The following RAB26 variants were observed in gnomAD, a reference collection of about 807,000 sequenced individuals.
RAB26 encodes the protein RAB26, member RAS oncogene family, also known as ras-related protein Rab-26.
In RAB26, 39 loss-of-function variants were observed where a neutral mutation model predicts 33.1. The ratio of observed to expected loss-of-function variants is 1.18; its 90% CI spans 0.91 to 1.54. The LOEUF is 1.54. Ranked by LOEUF, RAB26 falls within the 40% of genes most tolerant of loss-of-function variation. RAB26 has a pLI of 0.00. For synonymous variants in RAB26, 192 were observed against 151.9 expected (o/e 1.26, Z -1.94); for missense variants, 468 against 362.9 (o/e 1.29, Z -2.35).
chr16:2,151,215 G>A (rs371591479), intron 2 of RAB26: 3 of 501,046 alleles, frequency 6.0e-6, no homozygotes, highest in African/African-American at 3.9e-5. Context: ...AAGCCATCCT[G>A]AGTCTTTCAA....
rs747328076 is a variant in RAB26, at chr16:2,151,743, T to A, written c.397T>A (p.Tyr133Asn). 1 of 1,613,994 alleles carries A rather than the reference T, an allele frequency of 6.2e-7. No homozygotes were observed. Among genetic ancestry groups the A allele is most frequent in the East Asian group, 2.2e-5 (1 of 44,882 alleles). The part of the protein sequence containing the change: ...QERFRSVTHA[Y>N]YRDAHALLLL... ...GCGGTTCCGCAGTGTTACCCATGCC[T>A]ACTACCGGGATGCTCATGGTGAGCC... is the stretch of plus-strand genomic sequence containing the variant. The change falls in exon 4 of 9, where the codon TAC becomes AAC. Residue 133 changes from tyrosine to asparagine, a missense_variant. Physicochemically the swap from Tyr to Asn is moderately radical, Grantham distance 143. Coordinates refer to ENST00000210187, the MANE Select transcript of RAB26 (RefSeq NM_014353.5).
rs148865896 is a variant in RAB26, at chr16:2,153,849, A to C, written c.*428A>C. On this transcript the variant is annotated 3_prime_UTR_variant, in exon 9 of 9. Coordinates refer to ENST00000210187, the MANE Select transcript of RAB26 (RefSeq NM_014353.5). ...GCCTGGGACAGAAGGCTTCACTGCT[A>C]ATCACATCGTGCATCTGTGTGTCCT... 1 of 459,912 alleles carries C rather than the reference A, an allele frequency of 2.2e-6. No individual in the cohort carries two copies. Among genetic ancestry groups the C allele is most frequent in the East Asian group, 6.9e-5 (1 of 14,534 alleles). 28.5% of individuals were successfully genotyped at this position (459,912 alleles called of 1,614,324 possible). A position where few individuals can be genotyped will look rare whatever the true frequency, so the allele number is the denominator to read the frequency against.
Position 2,152,985 on chromosome 16 carries a change from C to T in RAB26, c.535-4C>T, listed in dbSNP as rs2093010798. ...CTTTCACCAAGACCCTGTGCCTGGG[C>T]CAGGTGGACTCTGCCCATGAGCGTG... is the stretch of plus-strand genomic sequence containing the variant. On this transcript the variant is annotated splice_polypyrimidine_tract_variant and splice_region_variant and intron_variant, in intron 6 of 8. Coordinates refer to ENST00000210187, the MANE Select transcript of RAB26 (RefSeq NM_014353.5). The T allele has an allele frequency of 6.3e-7, 1 of 1,585,034 alleles. No individual in the cohort carries two copies. Among genetic ancestry groups the T allele is most frequent in the Non-Finnish European group, 8.6e-7 (1 of 1,161,864 alleles).
In RAB26 at chr16:2,153,007, C is replaced by A. The variant is rs1242594441; in HGVS notation, c.553C>A (p.Arg185Ser). The A allele has an allele frequency of 1.9e-6, 3 of 1,595,562 alleles. No individual in the cohort carries two copies. The highest frequency in any genetic ancestry group is 2.6e-6 in the Non-Finnish European group (3 of 1,168,332). ...GGGCCAGGTGGACTCTGCCCATGAG[C>A]GTGTGGTGAAGAGGGAGGACGGGGA... Reference protein sequence around the residue: ...LGNKVDSAHERVVKREDGEKL... With the variant: ...LGNKVDSAHESVVKREDGEKL... The change falls in exon 7 of 9, where the codon CGT becomes AGT. Residue 185 changes from arginine (R) to serine (S), a missense_variant. Transcript: ENST00000210187.
chr16:2,153,471 C>A lies in RAB26; in HGVS notation c.*50C>A, dbSNP rs375214594. 18 of 1,562,178 alleles carry A rather than the reference C, an allele frequency of 1.2e-5. No homozygotes were observed. The African/African-American group carries it at 2.0e-4, about 18-fold the overall frequency. ...AGGAAGCCGTCCAGTCCCTAGAAGG[C>A]TGGACAGAGGGTCTCCAGGCCCTTC... On this transcript the variant is annotated 3_prime_UTR_variant, in exon 9 of 9. Transcript: ENST00000210187.
Position 2,148,824 on chromosome 16 carries a change from C to T in RAB26, c.41C>T (p.Thr14Ile). Residue 14 changes from threonine (T) to isoleucine (I), a missense_variant, in exon 1 of 9, where the codon ACC becomes ATC. By Grantham distance (89) the Thr-to-Ile change is moderately conservative (BLOSUM62 -1). Transcript: ENST00000210187. ...KKTPKSKGASTPAASTLPTAN... is the reference protein window; with the variant it reads ...KKTPKSKGASIPAASTLPTAN... ...ACCCCCAAGAGCAAAGGGGCCAGCA[C>T]CCCCGCTGCCTCCACGCTGCCCACC... The T allele has an allele frequency of 7.1e-7, 1 of 1,415,224 alleles. No homozygotes were observed. The highest frequency in any genetic ancestry group is 9.2e-7 in the Non-Finnish European group (1 of 1,085,948). 87.7% of individuals were successfully genotyped at this position (1,415,224 alleles called of 1,614,324 possible).
At chr16:2,151,489 G>A (rs1392121359) in intron 2 of RAB26, 80 bp from the exon 3 acceptor site, 1 of 1,600,592 alleles carries the variant, frequency 6.2e-7, no homozygotes, top group Non-Finnish European at 8.5e-7. Flanking sequence ...AGGTCTCAGG[G>A]GACAGGAAGG....
chr16:2,150,140 C>T (rs551333407), intron 2 of RAB26, 89 bp downstream of exon 2: 2 of 1,229,726 alleles, frequency 1.6e-6, no homozygotes, highest in Admixed American at 5.6e-5. Flanking sequence ...TACCAACAGG[C>T]TCGAGGCCTG....
At chr16:2,152,760 G>T (rs988559532) in intron 5 of RAB26, 60 bp from the exon 6 acceptor site, 3 of 1,387,294 alleles carry the variant, frequency 2.2e-6, no homozygotes, top group Non-Finnish European at 3.0e-6. Flanking sequence ...GAGGGCCAAA[G>T]TTCTGGGGCA....
intron 2 of RAB26, chr16:2,151,078 C>G (rs2093003364): frequency 2.6e-6 from 1 of 390,232 alleles, no homozygotes; most frequent in Non-Finnish European, 5.2e-6. Context: ...GGCCCAGGCC[C>G]AGCCCTGACA....
In RAB26 at chr16:2,150,006, T is replaced by C; in HGVS notation, c.261T>C (p.Ala87=). ...TGCTGGTGCGATTCAAGGATGGTGCTTTCCTGGCGGGGACCTTCATCTCCA... is the reference window on the plus strand; with the variant it reads ...TGCTGGTGCGATTCAAGGATGGTGCCTTCCTGGCGGGGACCTTCATCTCCA... ...TCLLVRFKDG[A]FLAGTFISTV... Residue 87 remains alanine (A), a synonymous_variant, in exon 2 of 9, where the codon GCT becomes GCC. Coordinates refer to ENST00000210187, the MANE Select transcript of RAB26 (RefSeq NM_014353.5). 3 of 1,545,346 alleles carry C rather than the reference T, an allele frequency of 1.9e-6. No individual in the cohort carries two copies. The highest frequency in any genetic ancestry group is 2.6e-6 in the Non-Finnish European group (3 of 1,143,978).
chr16:2,149,570 C>A (rs2092997862), intron 1 of RAB26, among the ~76,000 whole-genome samples: 1 of 152,084 alleles, frequency 6.6e-6, no homozygotes, highest in Non-Finnish European at 1.5e-5. Flanking sequence ...GGGGTCATGT[C>A]CCTACTGGGA....
In RAB26 at chr16:2,153,223, G is replaced by GT. The variant is rs756453356; in HGVS notation, c.668+2dup. 1.9e-6 allele frequency: 3 copies of GT among 1,613,796 alleles called. No individual in the cohort carries two copies. Among genetic ancestry groups the GT allele is most frequent in the South Asian group, 1.1e-5 (1 of 91,084 alleles). On this transcript the variant is annotated splice_donor_variant, in intron 8 of 8. Coordinates refer to ENST00000210187, the MANE Select transcript of RAB26 (RefSeq NM_014353.5). LOFTEE classifies it high-confidence loss of function. ...ACTTGGCCTTCACAGCCATAGCAAA[G>GT]TAAGTCCTGCCAGTCACCAGGACTC...
In RAB26 at chr16:2,153,919, A is replaced by C; in HGVS notation, c.*498A>C. 2.2e-6 allele frequency: 1 copy of C among 449,608 alleles called. No homozygotes were observed. The highest frequency in any genetic ancestry group is 4.5e-6 in the Non-Finnish European group (1 of 222,940). 27.9% of individuals were successfully genotyped at this position (449,608 alleles called of 1,614,324 possible). ...CCCACCCTCTAGGAGGCTCTGGCTC[A>C]AACAGCAATAGGGTCTTCCTCACTG... is the stretch of plus-strand genomic sequence containing the variant. On this transcript the variant is annotated 3_prime_UTR_variant, in exon 9 of 9. Transcript: ENST00000210187.
Position 2,151,699 on chromosome 16 carries a change from GGGACAC to G in RAB26, c.354_359del (p.Trp118_Thr120delinsTer). On this transcript the variant is annotated stop_gained and inframe_deletion, in exon 4 of 9. Coordinates refer to ENST00000210187, the MANE Select transcript of RAB26 (RefSeq NM_014353.5). LOFTEE classifies it high-confidence loss of function. ...GACCAGTGCCTGTCGCTGCAGATGT[GGGACAC>G]AGCTGGTCAGGAGCGGTTCCGCAGT... The G allele has an allele frequency of 6.2e-7, 1 of 1,614,006 alleles. No individual in the cohort carries two copies. Among genetic ancestry groups the G allele is most frequent in the Non-Finnish European group, 8.5e-7 (1 of 1,180,030 alleles).
At chr16:2,150,204 CCGA>C (rs2093000355) in intron 2 of RAB26, 153 bp downstream of exon 2, 1 of 641,686 alleles carries the variant, frequency 1.6e-6, no homozygotes, top group Non-Finnish European at 2.6e-6. Context: ...GTGGCTGCAC[CCGA>C]CAAGCATAGT....
intron 2 of RAB26, among the ~76,000 whole-genome samples, chr16:2,150,818 C>A (rs1281185805): frequency 6.6e-6 from 1 of 152,240 alleles, no homozygotes; most frequent in Non-Finnish European, 1.5e-5. Flanking sequence ...CCCAGCCCAG[C>A]AGATGGCCCT....
Position 2,153,940 on chromosome 16 carries a change from C to T in RAB26, c.*519C>T, listed in dbSNP as rs2093016735. ...GCTCAAACAGCAATAGGGTCTTCCTCACTGACCTTGGAGGATGCCTGTGGC... is the reference window on the plus strand; with the variant it reads ...GCTCAAACAGCAATAGGGTCTTCCTTACTGACCTTGGAGGATGCCTGTGGC... On this transcript the variant is annotated 3_prime_UTR_variant, in exon 9 of 9. Transcript: ENST00000210187. 2.4e-6 allele frequency: 1 copy of T among 419,958 alleles called. No homozygotes were observed. The highest frequency in any genetic ancestry group is 4.8e-6 in the Non-Finnish European group (1 of 207,032). 26.0% of individuals were successfully genotyped at this position (419,958 alleles called of 1,614,324 possible). A position where few individuals can be genotyped will look rare whatever the true frequency, so the allele number is the denominator to read the frequency against.
intron 2 of RAB26, chr16:2,151,139 ACT>A (rs2093003578): frequency 2.2e-6 from 1 of 449,390 alleles, no homozygotes; most frequent in Admixed American, 2.5e-5. Flanking sequence ...GCAGGGTCTC[ACT>A]CTGTCGCCCT....
Sources: allele counts gnomAD v4.1 joint callset (sites outside exome capture counted in the v4.1 genomes callset), GRCh38; gene constraint gnomAD v4.1.1; transcripts MANE v1.5; gene names NCBI Gene and HGNC (gene_info 2026-07-23, HGNC 2026-07-21).